MALRD1: variants seen among roughly 807,000 people sequenced by gnomAD.
MALRD1 encodes the protein MAM and LDL receptor class A domain containing 1.
Under a neutral mutation model 242.1 loss-of-function variants are expected in MALRD1, and 247 were observed. The observed-to-expected ratio is 1.02, with a 90% confidence interval of 0.92 to 1.13. The LOEUF is 1.13. Among genes scored for constraint, MALRD1 ranks in the 50% most tolerant of loss-of-function variants. The pLI, the probability that MALRD1 is intolerant of heterozygous loss-of-function variation, is 0.00. For missense variants in MALRD1, 2,989 were observed against 2,533.1 expected (o/e 1.18, Z -3.86); for synonymous variants, 995 against 866.6 (o/e 1.15, Z -2.60).
At chr10:19,463,022 A>G (rs927963865) in intron 29 of MALRD1, among the ~76,000 whole-genome samples, 7 of 152,180 alleles carry the variant, frequency 4.6e-5, no homozygotes, top group Non-Finnish European at 8.8e-5. Flanking sequence ...GCGTGGTTAA[A>G]TCATAAGGAA....
chr10:19,590,004 C>T (rs1211207129), intron 33 of MALRD1, among the ~76,000 whole-genome samples: 1 of 152,154 alleles, frequency 6.6e-6, no homozygotes, highest in East Asian at 1.9e-4. Context: ...TGCACGGTCA[C>T]TGGCCTTACA....
chr10:19,215,149 T>C (rs1837252601), intron 18 of MALRD1, among the ~76,000 whole-genome samples: 1 of 152,274 alleles, frequency 6.6e-6, no homozygotes, highest in South Asian at 2.1e-4. Context: ...GGGAAAGCCA[T>C]GTTTTATCTT....
intron 14 of MALRD1, among the ~76,000 whole-genome samples, chr10:19,178,370 A>T (rs1835348271): frequency 2.0e-5 from 3 of 152,210 alleles, no homozygotes; most frequent in Non-Finnish European, 4.4e-5. Context: ...GCAGAAGTTT[A>T]TGGAGAGAAA....
intron 11 of MALRD1, among the ~76,000 whole-genome samples, chr10:19,153,034 G>A (rs1324215208): frequency 1.3e-5 from 2 of 151,992 alleles, no homozygotes; most frequent in Non-Finnish European, 2.9e-5. Context: ...TAAGATTTGT[G>A]ACTTGAAATT....
At chr10:19,129,122 C>G (rs1301031169) in intron 8 of MALRD1, among the ~76,000 whole-genome samples, 2 of 152,074 alleles carry the variant, frequency 1.3e-5, no homozygotes, top group Non-Finnish European at 2.9e-5. Flanking sequence ...AATTCTGACA[C>G]TGCTACATGA....
At chr10:19,548,278 C>T (rs185777029) in intron 32 of MALRD1, among the ~76,000 whole-genome samples, 79 of 152,024 alleles carry the variant, frequency 5.2e-4, no homozygotes, top group African/African-American at 1.8e-3. Context: ...GGATTACAGG[C>T]GTGAACCACC....
intron 36 of MALRD1, among the ~76,000 whole-genome samples, chr10:19,649,278 G>A (rs1309901711): frequency 6.6e-6 from 1 of 152,176 alleles, no homozygotes; most frequent in Non-Finnish European, 1.5e-5. Flanking sequence ...GGGTTGAATG[G>A]TAGTTCTGCT....
At chr10:19,342,600 C>T (rs1371691014) in intron 24 of MALRD1, among the ~76,000 whole-genome samples, 1 of 152,086 alleles carries the variant, frequency 6.6e-6, no homozygotes, top group East Asian at 1.9e-4. Context: ...CGTGGGCTTT[C>T]ATGAAAGTAA....
intron 21 of MALRD1, among the ~76,000 whole-genome samples, chr10:19,303,618 C>T (rs187890673): frequency 7.9e-5 from 12 of 151,614 alleles, no homozygotes; most frequent in Non-Finnish European, 1.5e-4. Context: ...TTCTAGTAGC[C>T]ACAACATACA....
At chr10:19,702,066 G>A (rs1030225472) in intron 38 of MALRD1, among the ~76,000 whole-genome samples, 1 of 152,048 alleles carries the variant, frequency 6.6e-6, no homozygotes. Context: ...GTTTTAAGGA[G>A]CTCAACTTAA....
At chr10:19,400,758 A>G (rs544643719) in intron 28 of MALRD1, among the ~76,000 whole-genome samples, 25 of 152,276 alleles carry the variant, frequency 1.6e-4, no homozygotes, top group Non-Finnish European at 1.6e-4. Context: ...GCTCACGCCT[A>G]TAATCCCAGC....
intron 1 of MALRD1, among the ~76,000 whole-genome samples, chr10:19,057,812 T>G (rs567563271): frequency 6.6e-6 from 1 of 152,094 alleles, no homozygotes; most frequent in African/African-American, 2.4e-5. Context: ...GATAAATAGC[T>G]AGCAAGAGGG....
intron 27 of MALRD1, 117 bp downstream of exon 27, chr10:19,387,890 C>A: frequency 1.6e-6 from 2 of 1,285,888 alleles, no homozygotes; most frequent in Non-Finnish European, 2.1e-6. Context: ...TATTGCAAGG[C>A]GATCAAACAT....
intron 36 of MALRD1, among the ~76,000 whole-genome samples, chr10:19,642,420 A>G (rs994598371): frequency 3.3e-5 from 5 of 152,226 alleles, no homozygotes; most frequent in African/African-American, 9.6e-5. Flanking sequence ...AAATTTCTTT[A>G]CTTGAAACTC....
At chr10:19,721,727 A>C (rs1325762469) in intron 38 of MALRD1, 1 of 152,208 alleles carries the variant, frequency 6.6e-6, no homozygotes, top group African/African-American at 2.4e-5. Flanking sequence ...TTTTCCAGCC[A>C]TATAGCTTTT....
chr10:19,666,507 C>T lies in MALRD1; in HGVS notation c.6138-25775C>T, dbSNP rs548077578. Among the ~76,000 whole-genome samples the T allele has an allele frequency of 1.6e-3, 246 of 152,294 alleles. 1 individual carries two copies. Among genetic ancestry groups the T allele is most frequent in the African/African-American group, 5.3e-3 (221 of 41,576 alleles). ...ACTACTGACCTCAAACCCATTTTTACATATTTCATAATTTTCCTCATCTTC... is the reference window on the plus strand; with the variant it reads ...ACTACTGACCTCAAACCCATTTTTATATATTTCATAATTTTCCTCATCTTC... On this transcript the variant is annotated intron_variant, in intron 36 of 39. Transcript: ENST00000454679.
chr10:19,707,876 G>A (rs1220263402), intron 38 of MALRD1, among the ~76,000 whole-genome samples: 1 of 120,776 alleles, frequency 8.3e-6, no homozygotes, highest in Non-Finnish European at 1.9e-5. Flanking sequence ...AGAATCGCTT[G>A]AACCCAGGAG....
chr10:19,252,926 C>G (rs1839358047), intron 18 of MALRD1, among the ~76,000 whole-genome samples: 1 of 151,912 alleles, frequency 6.6e-6, no homozygotes. Context: ...TATATTGTAT[C>G]CAGCAAATAG....
intron 14 of MALRD1, among the ~76,000 whole-genome samples, chr10:19,197,448 C>CA (rs913239539): frequency 1.0e-3 from 159 of 152,178 alleles, no homozygotes; most frequent in Admixed American, 7.9e-4. Context: ...AAATCATAGC[C>CA]AAAAAAATTG....
Sources: gnomAD v4.1 joint callset for allele counts (sites outside exome capture counted in the v4.1 genomes callset) on GRCh38, gnomAD v4.1.1 for gene constraint, MANE v1.5 for transcripts, NCBI Gene and HGNC (gene_info 2026-07-23, HGNC 2026-07-21) for gene names.